The following MEGF11 variants were observed in gnomAD, a reference collection of about 807,000 sequenced individuals.
The protein encoded by MEGF11 is multiple epidermal growth factor-like domains protein 11.
MEGF11 carries 126 observed loss-of-function variants against 146.6 expected under a neutral mutation model. The ratio of observed to expected loss-of-function variants is 0.86; its 90% CI spans 0.74 to 1.00. The LOEUF is 1.00. Ranked by LOEUF, MEGF11 falls within the 50% of genes least tolerant of loss-of-function variation. The pLI is 0.00. For missense variants in MEGF11, 1,509 were observed against 1,521.2 expected (o/e 0.99, Z 0.13); for synonymous variants, 532 against 583.4 (o/e 0.91, Z 1.27).
chr15:65,895,636 G>A lies in MEGF11; in HGVS notation c.*2298C>T, dbSNP rs553678277. The A allele has an allele frequency of 1.3e-5, 2 of 152,726 alleles. No individual in the cohort carries two copies. The highest frequency in any genetic ancestry group is 2.1e-4 in the South Asian group (1 of 4,818). 9.5% of individuals were successfully genotyped at this position (152,726 alleles called of 1,614,324 possible). A position where few individuals can be genotyped will look rare whatever the true frequency, so the allele number is the denominator to read the frequency against. On this transcript the variant is annotated 3_prime_UTR_variant, in exon 26 of 26. Transcript: ENST00000395614. ...AAATGTCTTTTACTGATAACTGTTC[G>A]ATAGGGGAAGGCAGCTATTGTCACC...
rs111544754 is a variant in MEGF11, at chr15:66,107,060, C to CCG, written c.301+12025_301+12026insCG. Among the ~76,000 whole-genome samples, 499 of 150,840 alleles carry CCG rather than the reference C, an allele frequency of 3.3e-3. 4 individuals carry two copies. The highest frequency in any genetic ancestry group is 5.5e-3 in the Non-Finnish European group (376 of 67,792). ...GTTCAATGTTTATATTCCTACCCCCCCACCAGGTATAGACAGGGAGGGGAT... is the reference window on the plus strand; with the variant it reads ...GTTCAATGTTTATATTCCTACCCCCCCGCACCAGGTATAGACAGGGAGGGGAT... On this transcript the variant is annotated intron_variant, in intron 4 of 25. Transcript: ENST00000395614.
chr15:66,201,130 C>G (rs2091147368), intron 1 of MEGF11, among the ~76,000 whole-genome samples: 1 of 152,102 alleles, frequency 6.6e-6, no homozygotes, highest in Admixed American at 6.5e-5. Context: ...CAGACCAAGA[C>G]CAGAAGCCCT....
At chr15:65,916,738 C>T in intron 17 of MEGF11, 90 bp downstream of exon 17, 1 of 1,549,724 alleles carries the variant, frequency 6.5e-7, no homozygotes, top group Non-Finnish European at 8.7e-7. Flanking sequence ...TGCATTCCTC[C>T]CTCCCTGCTG....
At chr15:66,229,605 AT>A (rs774720734) in intron 1 of MEGF11, among the ~76,000 whole-genome samples, 5 of 152,158 alleles carry the variant, frequency 3.3e-5, no homozygotes, top group Non-Finnish European at 7.4e-5. Context: ...TACATAGACA[AT>A]TCAGTAGGAT....
rs979799841 is a variant in MEGF11 at position 65,980,805 on chromosome 15, G to T, written c.735C>A (p.Gly245=). Residue 245 remains glycine, a synonymous_variant, in exon 7 of 26, where the codon GGC becomes GGA. Transcript: ENST00000395614. ...QNGGTCHHIT[G]ECACPPGWTG... is the part of the protein sequence containing the mutation. ...TCCAGCCTGGGGGGCAGGCACACTC[G>T]CCAGTGATGTGGTGGCAGGTGCCCC... is the stretch of plus-strand genomic sequence containing the variant. The T allele has an allele frequency of 6.2e-7, 1 of 1,607,200 alleles. No homozygotes were observed. Among genetic ancestry groups the T allele is most frequent in the Non-Finnish European group, 8.5e-7 (1 of 1,177,176 alleles).
intron 19 of MEGF11, 48 bp downstream of exon 19, chr15:65,915,422 C>T: frequency 6.2e-7 from 1 of 1,602,236 alleles, no homozygotes; most frequent in Non-Finnish European, 8.5e-7. Flanking sequence ...CTAGAGCTGC[C>T]ATGGGGCCCT....
chr15:66,183,424 C>T (rs917514641), intron 1 of MEGF11, among the ~76,000 whole-genome samples: 1 of 151,828 alleles, frequency 6.6e-6, no homozygotes, highest in Non-Finnish European at 1.5e-5. Context: ...CGCTTGAATC[C>T]AGGAGGTGGA....
intron 5 of MEGF11, among the ~76,000 whole-genome samples, chr15:66,050,116 G>A (rs1318062452): frequency 6.6e-6 from 1 of 152,190 alleles, no homozygotes; most frequent in Non-Finnish European, 1.5e-5. Flanking sequence ...CTAAACTACA[G>A]TGGTGTGATC....
At chr15:65,936,014 CT>C (rs2079772110) in intron 10 of MEGF11, among the ~76,000 whole-genome samples, 1 of 152,152 alleles carries the variant, frequency 6.6e-6, no homozygotes, top group South Asian at 2.1e-4. Context: ...GTAGTGATAC[CT>C]TTTTGATTTG....
chr15:66,113,598 G>A (rs936599937), intron 4 of MEGF11, among the ~76,000 whole-genome samples: 5 of 152,240 alleles, frequency 3.3e-5, no homozygotes, highest in African/African-American at 9.6e-5. Flanking sequence ...TAACAGATTC[G>A]CAAACTGAGT....
intron 5 of MEGF11, among the ~76,000 whole-genome samples, chr15:66,086,840 C>T (rs891340131): frequency 3.3e-5 from 5 of 152,198 alleles, no homozygotes; most frequent in African/African-American, 1.2e-4. Context: ...TCAATACTAA[C>T]ATTGAATGTA....
intron 6 of MEGF11, 123 bp from the exon 7 acceptor site, chr15:65,981,021 G>A (rs1013010622): frequency 6.2e-5 from 77 of 1,245,272 alleles, no homozygotes; most frequent in African/African-American, 7.7e-5. Context: ...CACAGCATCC[G>A]CTGAACTGCA....
chr15:66,187,533 C>A (rs566593392), intron 1 of MEGF11, among the ~76,000 whole-genome samples: 1 of 152,344 alleles, frequency 6.6e-6, no homozygotes, highest in African/African-American at 2.4e-5. Context: ...GCCCCTCACA[C>A]CCCCACCTCT....
chr15:66,022,244 A>G (rs541527010), intron 5 of MEGF11, among the ~76,000 whole-genome samples: 1 of 152,202 alleles, frequency 6.6e-6, no homozygotes, highest in East Asian at 1.9e-4. Context: ...ATTCCATCAG[A>G]TGTACTCTCT....
At chr15:66,011,192 T>A (rs333575) in intron 5 of MEGF11, among the ~76,000 whole-genome samples, 145,811 of 152,182 alleles carry the variant, frequency 0.96, 70,041 homozygotes, top group Middle Eastern at 1. Context: ...TTGTGCCCAC[T>A]TGTGGCCACC....
chr15:66,050,555 C>T (rs769144658), intron 5 of MEGF11, among the ~76,000 whole-genome samples: 35 of 152,202 alleles, frequency 2.3e-4, no homozygotes, highest in African/African-American at 4.8e-4. Context: ...AAGGATCACA[C>T]GGGGCCTTAG....
At chr15:66,157,438 CT>C (rs2089801126) in intron 1 of MEGF11, among the ~76,000 whole-genome samples, 1 of 152,240 alleles carries the variant, frequency 6.6e-6, no homozygotes, top group Non-Finnish European at 1.5e-5. Context: ...GATCCCACCC[CT>C]GGATCACAAC....
chr15:66,221,663 T>C (rs982997975), intron 1 of MEGF11, among the ~76,000 whole-genome samples: 4 of 151,642 alleles, frequency 2.6e-5, no homozygotes, highest in African/African-American at 9.7e-5. Flanking sequence ...TTTTGTCTGA[T>C]TTCTGGGGTA....
Position 66,078,381 on chromosome 15 carries a change from G to A in MEGF11, c.394+16021C>T, listed in dbSNP as rs572752353. Among the ~76,000 whole-genome samples the A allele has an allele frequency of 4.6e-5, 7 of 152,238 alleles. No homozygotes were observed. In the South Asian group the frequency reaches 1.5e-3, roughly 32 times the overall value. ...TGGAGAGCTCACACTTGCCGTAGCC[G>A]AGTGACCTTGGAGGATGACTGGACT... On this transcript the variant is annotated intron_variant, in intron 5 of 25. Transcript: ENST00000395614.
Sources: gnomAD v4.1 joint callset for allele counts (sites outside exome capture counted in the v4.1 genomes callset) on GRCh38, gnomAD v4.1.1 for gene constraint, MANE v1.5 for transcripts, NCBI Gene and HGNC (gene_info 2026-07-23, HGNC 2026-07-21) for gene names.